Variants in ZBTB20 observed in about 807,000 individuals in gnomAD.
The protein encoded by ZBTB20 is zinc finger and BTB domain containing 20, also known as zinc finger and BTB domain-containing protein 20.
In ZBTB20, 9 loss-of-function variants were observed where a neutral mutation model predicts 56.9. The ratio of observed to expected loss-of-function variants is 0.16; its 90% CI spans 0.10 to 0.28. ZBTB20 has a LOEUF of 0.28. Among genes scored for constraint, ZBTB20 ranks in the 10% least tolerant of loss-of-function variants. The probability of loss-of-function intolerance (pLI) is 1.00; values close to 1 mark genes in which losing one functional copy is unlikely to be tolerated. For missense variants in ZBTB20, 655 were observed against 1,003.0 expected (o/e 0.65, Z 4.69); for synonymous variants, 417 against 420.7 (o/e 0.99, Z 0.11).
intron 5 of ZBTB20, among the ~76,000 whole-genome samples, chr3:114,755,446 G>A (rs973311519): frequency 4.6e-5 from 7 of 152,106 alleles, no homozygotes; most frequent in Admixed American, 4.6e-4. Flanking sequence ...GTACAGAAGT[G>A]TTTTATGAAC....
chr3:115,085,316 T>C (rs2082946112), intron 1 of ZBTB20, among the ~76,000 whole-genome samples: 1 of 151,928 alleles, frequency 6.6e-6, no homozygotes, highest in Admixed American at 6.6e-5. Flanking sequence ...TTTTAAGTTG[T>C]GCCAAATTGG....
intron 2 of ZBTB20, among the ~76,000 whole-genome samples, chr3:115,064,443 CTTTTTTTTTTTTT>C (rs34098178): frequency 1.3e-5 from 1 of 78,044 alleles, no homozygotes; most frequent in South Asian, 5.9e-4. Context: ...TCTCATAATT[CTTTTTTTTTTTTT>C]TTTTTTTTTT....
At chr3:114,447,578 T>C (rs2091345612) in intron 7 of ZBTB20, among the ~76,000 whole-genome samples, 1 of 152,116 alleles carries the variant, frequency 6.6e-6, no homozygotes, top group Non-Finnish European at 1.5e-5. Flanking sequence ...GAACAAATGC[T>C]TCATGTCTCT....
chr3:115,109,259 A>C (rs2108622202), intron 1 of ZBTB20, among the ~76,000 whole-genome samples: 1 of 152,306 alleles, frequency 6.6e-6, no homozygotes. Flanking sequence ...GAGAAACTAC[A>C]GAGTGCATTC....
At chr3:114,486,758 T>C (rs530960225) in intron 7 of ZBTB20, among the ~76,000 whole-genome samples, 30 of 152,202 alleles carry the variant, frequency 2.0e-4, no homozygotes, top group Non-Finnish European at 4.1e-4. Context: ...GTGAGAATTA[T>C]TCTTCATGTA....
At chr3:114,636,802 A>C (rs543740788) in intron 6 of ZBTB20, among the ~76,000 whole-genome samples, 17 of 152,192 alleles carry the variant, frequency 1.1e-4, no homozygotes, top group Middle Eastern at 6.8e-3. Flanking sequence ...GGCAGTAATA[A>C]GTTCTCACCT....
At chr3:114,372,020 T>C (rs2083076652) in intron 10 of ZBTB20, among the ~76,000 whole-genome samples, 1 of 152,174 alleles carries the variant, frequency 6.6e-6, no homozygotes. Context: ...GACTTGAAAT[T>C]TCCTTAAAGC....
At chr3:115,130,431 AACTGAAC>A (rs1418527235) in intron 1 of ZBTB20, among the ~76,000 whole-genome samples, 3 of 152,384 alleles carry the variant, frequency 2.0e-5, no homozygotes, top group African/African-American at 4.8e-5. Context: ...CAACTAAAGA[AACTGAAC>A]ACTGAACAAA....
intron 5 of ZBTB20, among the ~76,000 whole-genome samples, chr3:114,800,129 T>C (rs897637079): frequency 6.6e-6 from 1 of 151,940 alleles, no homozygotes; most frequent in Non-Finnish European, 1.5e-5. Flanking sequence ...CATTAAACTG[T>C]AAAACTGAGG....
chr3:114,486,198 T>C (rs2042135435), intron 7 of ZBTB20, among the ~76,000 whole-genome samples: 1 of 149,036 alleles, frequency 6.7e-6, no homozygotes, highest in African/African-American at 2.5e-5. Context: ...AACTGTTTTC[T>C]AGAATGTTAT....
chr3:114,537,619 A>G (rs1002347070), intron 6 of ZBTB20, among the ~76,000 whole-genome samples: 2 of 152,224 alleles, frequency 1.3e-5, no homozygotes, highest in Non-Finnish European at 2.9e-5. Context: ...CATTTGACCC[A>G]GCGATCCCAT....
intron 6 of ZBTB20, among the ~76,000 whole-genome samples, chr3:114,559,539 CACCCTCTTTTGGGAAGAGGGTCCA>C (rs928343958): frequency 6.6e-6 from 1 of 152,128 alleles, no homozygotes; most frequent in African/African-American, 2.4e-5. Flanking sequence ...AAAGGTATTG[CACCCTCTTTTGGGAAGAGGGTCCA>C]TAGCTTTCAT....
chr3:114,562,078 T>G (rs1383717744), intron 6 of ZBTB20, among the ~76,000 whole-genome samples: 1 of 152,202 alleles, frequency 6.6e-6, no homozygotes, highest in Non-Finnish European at 1.5e-5. Context: ...AAACTTTTCT[T>G]CTAAAGCTTC....
chr3:115,025,275 G>A (rs1202319225), intron 2 of ZBTB20, among the ~76,000 whole-genome samples: 5 of 151,254 alleles, frequency 3.3e-5, no homozygotes, highest in African/African-American at 7.3e-5. Flanking sequence ...AGAAGAACAC[G>A]ATCGCATTCT....
chr3:114,954,594 G>A (rs1334944814), intron 3 of ZBTB20, among the ~76,000 whole-genome samples: 1 of 152,160 alleles, frequency 6.6e-6, no homozygotes, highest in Non-Finnish European at 1.5e-5. Flanking sequence ...AGCATTATCT[G>A]AGAAAGTGTT....
At chr3:114,751,730 T>G (rs2067572269) in intron 5 of ZBTB20, among the ~76,000 whole-genome samples, 1 of 152,114 alleles carries the variant, frequency 6.6e-6, no homozygotes, top group Non-Finnish European at 1.5e-5. Context: ...ATATGTGACA[T>G]GAAGGGCATT....
intron 7 of ZBTB20, among the ~76,000 whole-genome samples, chr3:114,399,606 G>T (rs1012897757): frequency 4.6e-5 from 7 of 152,116 alleles, no homozygotes; most frequent in South Asian, 4.1e-4. Flanking sequence ...CAATACTTAA[G>T]AATTGTCTTT....
chr3:114,975,376 C>T (rs1358069799), intron 2 of ZBTB20, among the ~76,000 whole-genome samples: 2 of 152,176 alleles, frequency 1.3e-5, no homozygotes, highest in South Asian at 2.1e-4. Context: ...AATGGAAATG[C>T]AATACCTAAA....
At chr3:114,966,336 G>A (rs1158228420) in intron 3 of ZBTB20, among the ~76,000 whole-genome samples, 3 of 152,060 alleles carry the variant, frequency 2.0e-5, no homozygotes, top group Non-Finnish European at 4.4e-5. Flanking sequence ...AGCACACGAG[G>A]TGAATGAAGA....
Sources: gnomAD v4.1 joint callset for allele counts (sites outside exome capture counted in the v4.1 genomes callset) on GRCh38, gnomAD v4.1.1 for gene constraint, MANE v1.5 for transcripts, NCBI Gene and HGNC (gene_info 2026-07-23, HGNC 2026-07-21) for gene names.